PYROXD1: variants seen among roughly 807,000 people sequenced by gnomAD.
PYROXD1 encodes the protein tRNA ligase complex-associated NAD(P)H dehydrogenase PYROXD1.
PYROXD1 carries 42 observed loss-of-function variants against 62.0 expected under a neutral mutation model. The observed-to-expected ratio is 0.68, with a 90% CI of 0.53 to 0.88. PYROXD1 has a LOEUF of 0.88. Ranked by LOEUF, PYROXD1 falls within the 40% of genes least tolerant of loss-of-function variation. The pLI is 0.00. For missense variants in PYROXD1, 493 were observed against 604.8 expected (o/e 0.82, Z 1.94); for synonymous variants, 170 against 206.4 (o/e 0.82, Z 1.51).
At position 21,468,927 on chromosome 12, in the gene PYROXD1, CAA is replaced by C. The variant is rs1942856845; in HGVS notation, c.*175_*176del. On this transcript the variant is annotated 3_prime_UTR_variant, in exon 12 of 12. Transcript: ENST00000240651. ...ATAAATTCTAAGTTTGAAATCAGTTCAAAGTTTATTTATAGATATATCTTTCC... is the reference window on the plus strand; with the variant it reads ...ATAAATTCTAAGTTTGAAATCAGTTCAGTTTATTTATAGATATATCTTTCC... The C allele has an allele frequency of 1.6e-6, 1 of 621,034 alleles. No homozygotes were observed. Among genetic ancestry groups the C allele is most frequent in the East Asian group, 3.2e-5 (1 of 31,308 alleles). The allele number at this position is 621,034 out of a possible 1,614,324, so 38.5% of individuals were successfully genotyped here.
At chr12:21,444,426 T>C (rs1020970068) in intron 2 of PYROXD1, among the ~76,000 whole-genome samples, 2 of 152,204 alleles carry the variant, frequency 1.3e-5, no homozygotes, top group African/African-American at 4.8e-5. Flanking sequence ...GGATGAGATA[T>C]GAAGAGTGAT....
Position 21,469,866 on chromosome 12 carries a change from A to G in PYROXD1, c.*1112A>G, listed in dbSNP as rs571932311. 3.6e-4 allele frequency: 69 copies of G among 193,900 alleles called. No individual in the cohort carries two copies. The highest frequency in any genetic ancestry group is 1.4e-3 in the African/African-American group (58 of 41,980). The allele number at this position is 193,900 out of a possible 1,614,324, so 12.0% of individuals were successfully genotyped here. A position where few individuals can be genotyped will look rare whatever the true frequency, so the allele number is the denominator to read the frequency against. ...AGTATAATATTGCTTTCAAAAAGAT[A>G]GTTATGTCAAAAGAAAAAATATAGC... On this transcript the variant is annotated 3_prime_UTR_variant, in exon 12 of 12. Coordinates refer to ENST00000240651, the MANE Select transcript of PYROXD1 (RefSeq NM_024854.5).
chr12:21,465,461 A>G (rs955095868), intron 10 of PYROXD1, among the ~76,000 whole-genome samples: 6 of 151,642 alleles, frequency 4.0e-5, no homozygotes, highest in African/African-American at 1.5e-4. Context: ...GGCTGCATAA[A>G]TATCTTCTTT....
At chr12:21,437,868 C>A in intron 1 of PYROXD1, 54 bp downstream of exon 1, 2 of 1,457,030 alleles carry the variant, frequency 1.4e-6, no homozygotes, top group Non-Finnish European at 1.9e-6. Context: ...AAGGGGATAG[C>A]ACTGGAGGCC....
At chr12:21,445,700 T>TA (rs1942373552) in intron 3 of PYROXD1, among the ~76,000 whole-genome samples, 1 of 152,196 alleles carries the variant, frequency 6.6e-6, no homozygotes, top group African/African-American at 2.4e-5. Context: ...TTAATGTTTA[T>TA]AAAGTGTCCA....
intron 2 of PYROXD1, among the ~76,000 whole-genome samples, chr12:21,444,654 G>C (rs780626585): frequency 7.1e-6 from 1 of 141,590 alleles, no homozygotes; most frequent in Non-Finnish European, 1.5e-5. Flanking sequence ...TAATTTGTAA[G>C]ACTGTAAAGG....
chr12:21,437,688 T>G lies in PYROXD1; in HGVS notation c.-43T>G, dbSNP rs774213226. The G allele has an allele frequency of 6.3e-7, 1 of 1,578,666 alleles. No homozygotes were observed. Among genetic ancestry groups the G allele is most frequent in the Non-Finnish European group, 8.6e-7 (1 of 1,160,270 alleles). ...CCTCTCCTGGAGTCCAGAGTCCCGT[T>G]GCTCCGCCGCGATATTCAGTAAACC... On this transcript the variant is annotated 5_prime_UTR_variant, in exon 1 of 12. Coordinates refer to ENST00000240651, the MANE Select transcript of PYROXD1 (RefSeq NM_024854.5).
In PYROXD1 at chr12:21,469,584, A is replaced by G. The variant is rs1034048068; in HGVS notation, c.*830A>G. On this transcript the variant is annotated 3_prime_UTR_variant, in exon 12 of 12. Coordinates refer to ENST00000240651, the MANE Select transcript of PYROXD1 (RefSeq NM_024854.5). Reference sequence around the variant, plus strand: ...TTATGTCAAAAGAAAAAATATAGCTAAGTATATAAAGGCATAAAAAACTTA... The same window carrying G: ...TTATGTCAAAAGAAAAAATATAGCTGAGTATATAAAGGCATAAAAAACTTA... 2.0e-5 allele frequency: 3 copies of G among 151,910 alleles called. No individual in the cohort carries two copies. The highest frequency in any genetic ancestry group is 4.4e-5 in the Non-Finnish European group (3 of 67,934). 9.4% of individuals were successfully genotyped at this position (151,910 alleles called of 1,614,324 possible).
chr12:21,469,553 A>G lies in PYROXD1; in HGVS notation c.*799A>G, dbSNP rs887292389. ...TGTCAGTATAATATTGCTTTCAAAA[A>G]GATGGTTATGTCAAAAGAAAAAATA... On this transcript the variant is annotated 3_prime_UTR_variant, in exon 12 of 12. Transcript: ENST00000240651. The G allele has an allele frequency of 6.6e-6, 1 of 151,900 alleles. No homozygotes were observed. Among genetic ancestry groups the G allele is most frequent in the African/African-American group, 2.4e-5 (1 of 41,338 alleles). 9.4% of individuals were successfully genotyped at this position (151,900 alleles called of 1,614,324 possible). A position where few individuals can be genotyped will look rare whatever the true frequency, so the allele number is the denominator to read the frequency against.
chr12:21,455,041 C>A, intron 5 of PYROXD1, 91 bp from the exon 6 acceptor site: 1 of 634,998 alleles, frequency 1.6e-6, no homozygotes, highest in Non-Finnish European at 2.4e-6. Flanking sequence ...GTATTCCCTA[C>A]TTTTGCTTCA....
rs1334882649 is a variant in PYROXD1 at position 21,437,755 on chromosome 12, A to T, written c.25A>T (p.Thr9Ser). The change falls in exon 1 of 12, where the codon ACG (threonine) becomes TCG (serine). Residue 9 changes from threonine to serine, a missense_variant. Physicochemically the swap from Thr to Ser is moderately conservative, Grantham distance 58. This residue lies in a region of PYROXD1 where 164 missense variants were observed against 158.2 expected (regional missense o/e 1.04). Transcript: ENST00000240651. ...CATGGAGGCAGCGCGCCCTCCCCCG[A>T]CGGCAGGGAAGTTCGTGGTGGTCGG... MEAARPPPTAGKFVVVGGG... is the reference protein window; with the variant it reads MEAARPPPSAGKFVVVGGG... 2 of 1,612,872 alleles carry T rather than the reference A, an allele frequency of 1.2e-6. No homozygotes were observed. Among genetic ancestry groups the T allele is most frequent in the Non-Finnish European group, 1.7e-6 (2 of 1,179,660 alleles).
intron 7 of PYROXD1, among the ~76,000 whole-genome samples, chr12:21,460,220 C>T (rs1168768411): frequency 7.8e-6 from 1 of 128,128 alleles, no homozygotes; most frequent in Admixed American, 8.2e-5. Context: ...TCTTCTTGCA[C>T]CTTCAGATCC....
chr12:21,454,051 G>A (rs886654295), intron 5 of PYROXD1, among the ~76,000 whole-genome samples: 2 of 151,822 alleles, frequency 1.3e-5, no homozygotes, highest in Non-Finnish European at 2.9e-5. Flanking sequence ...CTGGAAAAAC[G>A]AAGACTTATT....
intron 1 of PYROXD1, chr12:21,438,047 A>T: frequency 1.7e-6 from 1 of 572,528 alleles, no homozygotes; most frequent in Non-Finnish European, 3.1e-6. Flanking sequence ...CCGAGAAACC[A>T]AAGCTGGCTG....
rs1183989530 is a variant in PYROXD1 at position 21,469,541 on chromosome 12, T to C, written c.*787T>C. On this transcript the variant is annotated 3_prime_UTR_variant, in exon 12 of 12. Transcript: ENST00000240651. ...TCAGTGAACCTCTGTCAGTATAATA[T>C]TGCTTTCAAAAAGATGGTTATGTCA... 5 of 151,412 alleles carry C rather than the reference T, an allele frequency of 3.3e-5. No homozygotes were observed. The highest frequency in any genetic ancestry group is 7.4e-5 in the Non-Finnish European group (5 of 67,884). 9.4% of individuals were successfully genotyped at this position (151,412 alleles called of 1,614,324 possible).
rs571387177 is a variant in PYROXD1 at position 21,456,186 on chromosome 12, C to T, written c.750+91C>T. 930 of 787,096 alleles carry T rather than the reference C, an allele frequency of 1.2e-3. 1 individual carries two copies. The highest frequency in any genetic ancestry group is 1.7e-3 in the Non-Finnish European group (832 of 483,958). 48.8% of individuals were successfully genotyped at this position (787,096 alleles called of 1,614,324 possible). A position where few individuals can be genotyped will look rare whatever the true frequency, so the allele number is the denominator to read the frequency against. ...AGACTGGTAATAAATATATAGTCAA[C>T]GAACTGTTAGGTCACTTTACTTAAA... On this transcript the variant is annotated intron_variant, in intron 7 of 11. Coordinates refer to ENST00000240651, the MANE Select transcript of PYROXD1 (RefSeq NM_024854.5).
intron 8 of PYROXD1, 38 bp from the exon 9 acceptor site, chr12:21,461,970 C>A: frequency 7.5e-7 from 1 of 1,328,750 alleles, no homozygotes; most frequent in Non-Finnish European, 1.1e-6. Context: ...GTTCCATTTA[C>A]AAATAAAGTC....
chr12:21,468,598 C>A lies in PYROXD1; in HGVS notation c.1347C>A (p.Val449=). 6.2e-7 allele frequency: 1 copy of A among 1,612,992 alleles called. No individual in the cohort carries two copies. The highest frequency in any genetic ancestry group is 8.5e-7 in the Non-Finnish European group (1 of 1,179,348). The change falls in exon 12 of 12, where the codon GTC becomes GTA. Residue 449 remains valine (V), a synonymous_variant. Transcript: ENST00000240651. ...CCAAAGGACGAGAATACATCAAAGT[C>A]GTCATGCAAAATGGACGAATGATGG... ...RCTKGREYIK[V]VMQNGRMMGA...
chr12:21,467,056 G>GTTA (rs1440479610), intron 10 of PYROXD1, among the ~76,000 whole-genome samples: 1 of 152,056 alleles, frequency 6.6e-6, no homozygotes, highest in African/African-American at 2.4e-5. Flanking sequence ...AACCACTGAG[G>GTTA]TTAACAGCAC....
Sources: gnomAD v4.1 joint callset for allele counts (sites outside exome capture counted in the v4.1 genomes callset) on GRCh38, gnomAD v4.1.1 for gene constraint, gnomAD v4.1.1 regional missense constraint, MANE v1.5 for transcripts, NCBI Gene and HGNC (gene_info 2026-07-23, HGNC 2026-07-21) for gene names.